Variants in PRIM2 observed in about 807,000 individuals in gnomAD.
PRIM2 encodes the protein DNA primase subunit 2, also known as DNA primase large subunit.
Under a neutral mutation model 67.3 loss-of-function variants are expected in PRIM2, and 39 were observed. That is an observed-to-expected ratio of 0.58 (90% CI 0.45 to 0.76). The LOEUF is 0.76. Among genes scored for constraint, PRIM2 ranks in the 30% least tolerant of loss-of-function variants. The probability of loss-of-function intolerance (pLI) is 0.00; values close to 1 mark genes in which losing one functional copy is unlikely to be tolerated. For synonymous variants in PRIM2, 143 were observed against 198.7 expected, an observed-to-expected ratio of 0.72 and a Z score of 2.36; for missense variants, 398 against 598.7, an observed-to-expected ratio of 0.66 and a Z score of 3.50.
At chr6:57,291,796 G>A in the PRIM2 span, among the ~76,000 whole-genome samples, 1 of 152,048 alleles carries the variant, frequency 6.6e-6, no homozygotes, top group Non-Finnish European at 1.5e-5. Flanking sequence ...AAATTCAACA[G>A]CCCTTCATCC....
chr6:57,438,821 G>A (rs921583520), intron 7 of PRIM2, among the ~76,000 whole-genome samples: 1 of 151,586 alleles, frequency 6.6e-6, no homozygotes, highest in Non-Finnish European at 1.5e-5. Context: ...TGCCCAGGCT[G>A]GAGTGCAGTA....
chr6:57,551,537 A>G (rs1775403125), intron 10 of PRIM2, among the ~76,000 whole-genome samples: 2 of 152,186 alleles, frequency 1.3e-5, no homozygotes, highest in East Asian at 1.9e-4. Flanking sequence ...GTACTATCTC[A>G]GACATAACCT....
chr6:57,405,852 T>C (rs1446541765), intron 7 of PRIM2, among the ~76,000 whole-genome samples: 1 of 151,964 alleles, frequency 6.6e-6, no homozygotes, highest in Non-Finnish European at 1.5e-5. Flanking sequence ...TAATTGTGTC[T>C]GGTACACAGT....
intron 10 of PRIM2, among the ~76,000 whole-genome samples, chr6:57,543,791 T>G (rs1775228828): frequency 6.6e-6 from 1 of 152,204 alleles, no homozygotes; most frequent in African/African-American, 2.4e-5. Context: ...AATGTTATAC[T>G]TAATGTTGGA....
At chr6:57,241,240 AAAAAAAG>A in the PRIM2 span, among the ~76,000 whole-genome samples, 35 of 147,620 alleles carry the variant, frequency 2.4e-4, no homozygotes, top group Non-Finnish European at 4.2e-4. Context: ...AAAAAAAAAG[AAAAAAAG>A]AAAAAAGAAA....
chr6:57,555,370 C>T (rs1319678476), intron 10 of PRIM2, among the ~76,000 whole-genome samples: 1 of 152,134 alleles, frequency 6.6e-6, no homozygotes, highest in Non-Finnish European at 1.5e-5. Flanking sequence ...AGCTCCACCT[C>T]CCAGCTATGA....
chr6:57,232,217 A>G, the PRIM2 span, among the ~76,000 whole-genome samples: 1 of 152,246 alleles, frequency 6.6e-6, no homozygotes, highest in African/African-American at 2.4e-5. Context: ...AGCCACGTTG[A>G]TGAGTCCAGA....
chr6:57,370,211 C>T (rs1042987943), intron 5 of PRIM2, among the ~76,000 whole-genome samples: 1 of 152,140 alleles, frequency 6.6e-6, no homozygotes, highest in Non-Finnish European at 1.5e-5. Flanking sequence ...GCCATTTAAT[C>T]TTGTCTTGCT....
chr6:57,370,693 C>CTTTT (rs66953171), intron 5 of PRIM2, among the ~76,000 whole-genome samples: 12 of 121,998 alleles, frequency 9.8e-5, no homozygotes, highest in Non-Finnish European at 1.3e-4. Flanking sequence ...CTATCTATAG[C>CTTTT]TTTTTTTTTT....
At chr6:57,483,581 T>G (rs1452668194) in intron 7 of PRIM2, among the ~76,000 whole-genome samples, 2 of 152,140 alleles carry the variant, frequency 1.3e-5, no homozygotes, top group Non-Finnish European at 2.9e-5. Context: ...GAGGAGTAGA[T>G]GAAACGGTCA....
chr6:57,359,345 T>G (rs1769125315), intron 5 of PRIM2, among the ~76,000 whole-genome samples: 1 of 152,182 alleles, frequency 6.6e-6, no homozygotes, highest in African/African-American at 2.4e-5. Flanking sequence ...CATGTTGACA[T>G]TCCCACCTGA....
chr6:57,565,038 C>A (rs1319595295), intron 10 of PRIM2, among the ~76,000 whole-genome samples: 4 of 152,086 alleles, frequency 2.6e-5, no homozygotes, highest in African/African-American at 9.7e-5. Flanking sequence ...AAATTTTTTT[C>A]TTTATTCCTT....
chr6:57,222,218 T>C, the PRIM2 span: 3 of 152,432 alleles, frequency 2.0e-5, no homozygotes, highest in South Asian at 2.1e-4. Flanking sequence ...AGGGCTCAGA[T>C]TGAGTGGCTC....
intron 7 of PRIM2, among the ~76,000 whole-genome samples, chr6:57,454,892 A>C (rs562060143): frequency 6.6e-6 from 1 of 152,076 alleles, no homozygotes; most frequent in African/African-American, 2.4e-5. Context: ...TGTCAATTTT[A>C]GATCTTTCCT....
intron 5 of PRIM2, among the ~76,000 whole-genome samples, chr6:57,360,097 G>A (rs1464835120): frequency 6.6e-6 from 1 of 152,208 alleles, no homozygotes; most frequent in East Asian, 1.9e-4. Flanking sequence ...AGCAGACCAA[G>A]TTTAATGAGT....
chr6:57,377,725 C>G (rs1769815404), intron 5 of PRIM2, among the ~76,000 whole-genome samples: 1 of 151,948 alleles, frequency 6.6e-6, no homozygotes, highest in African/African-American at 2.4e-5. Context: ...TTGTCTATTT[C>G]TAGAAATTTT....
chr6:57,545,716 G>A (rs1775275933), intron 10 of PRIM2, among the ~76,000 whole-genome samples: 3 of 152,278 alleles, frequency 2.0e-5, no homozygotes, highest in Admixed American at 2.0e-4. Context: ...TTACATGCAT[G>A]AGCCACCATG....
chr6:57,551,000 T>TG (rs1775389875), intron 10 of PRIM2, among the ~76,000 whole-genome samples: 1 of 152,214 alleles, frequency 6.6e-6, no homozygotes, highest in East Asian at 1.9e-4. Flanking sequence ...TGTTGTGTGT[T>TG]TGTCACCCAT....
chr6:57,243,221 T>A, the PRIM2 span, among the ~76,000 whole-genome samples: 2 of 152,190 alleles, frequency 1.3e-5, no homozygotes, highest in East Asian at 3.8e-4. Flanking sequence ...CCTCAATAAC[T>A]GCCTGGTATC....
Sources: allele counts gnomAD v4.1 joint callset (sites outside exome capture counted in the v4.1 genomes callset), GRCh38; gene constraint gnomAD v4.1.1; transcripts MANE v1.5; gene names NCBI Gene and HGNC (gene_info 2026-07-23, HGNC 2026-07-21).